The following COL21A1 variants were observed in gnomAD, a reference collection of about 807,000 sequenced individuals.
COL21A1 encodes the protein collagen type XXI alpha 1 chain.
A neutral mutation model predicts 137.9 loss-of-function variants in COL21A1; 149 were observed. The ratio of observed to expected loss-of-function variants is 1.08; its 90% confidence interval spans 0.95 to 1.24. The LOEUF (loss-of-function observed/expected upper bound fraction) is 1.24, where lower values mean the gene tolerates loss of function less well. COL21A1 is among the 50% of genes most tolerant of loss of function. The probability of loss-of-function intolerance (pLI) is 0.00; values close to 1 mark genes in which losing one functional copy is unlikely to be tolerated. For missense variants in COL21A1, 1,167 were observed against 1,158.4 expected (o/e 1.01, Z -0.11); for synonymous variants, 456 against 391.5 (o/e 1.16, Z -1.95).
At chr6:56,362,752 T>C (rs1463069053) in intron 1 of COL21A1, among the ~76,000 whole-genome samples, 1 of 152,070 alleles carries the variant, frequency 6.6e-6, no homozygotes. Flanking sequence ...TCCCACCACC[T>C]CTACCACCTA....
chr6:56,115,836 A>G (rs767715692), intron 16 of COL21A1, among the ~76,000 whole-genome samples: 13 of 152,184 alleles, frequency 8.5e-5, no homozygotes, highest in Non-Finnish European at 1.5e-4. Flanking sequence ...TGAAATAATT[A>G]CAAAGAAACA....
intron 1 of COL21A1, among the ~76,000 whole-genome samples, chr6:56,356,737 A>T (rs1330332363): frequency 1.3e-5 from 2 of 152,200 alleles, no homozygotes; most frequent in Non-Finnish European, 2.9e-5. Flanking sequence ...AAGCTTTTGG[A>T]TCTTTGCTGA....
intron 1 of COL21A1, among the ~76,000 whole-genome samples, chr6:56,335,797 C>G (rs1050596861): frequency 2.6e-5 from 4 of 152,188 alleles, no homozygotes; most frequent in Admixed American, 2.6e-4. Flanking sequence ...TATGGAGAAG[C>G]CAGGCTGAGC....
At chr6:56,273,795 G>C (rs915175956) in intron 1 of COL21A1, among the ~76,000 whole-genome samples, 1 of 152,102 alleles carries the variant, frequency 6.6e-6, no homozygotes, top group Non-Finnish European at 1.5e-5. Flanking sequence ...ATTCAAAGAA[G>C]AACTGGTACC....
intron 1 of COL21A1, among the ~76,000 whole-genome samples, chr6:56,245,501 G>C (rs996958212): frequency 6.6e-6 from 1 of 152,136 alleles, no homozygotes; most frequent in Non-Finnish European, 1.5e-5. Flanking sequence ...TTCTTTTAAG[G>C]TGGTTGAGGA....
intron 1 of COL21A1, among the ~76,000 whole-genome samples, chr6:56,223,779 G>A (rs990716378): frequency 3.9e-5 from 6 of 152,088 alleles, no homozygotes; most frequent in African/African-American, 1.2e-4. Flanking sequence ...AATGTGCCAT[G>A]ATTCATCTTG....
At chr6:56,256,118 C>G (rs1393317715) in intron 1 of COL21A1, among the ~76,000 whole-genome samples, 1 of 152,174 alleles carries the variant, frequency 6.6e-6, no homozygotes, top group Non-Finnish European at 1.5e-5. Context: ...TAAATAGTTG[C>G]TGAACAAAGA....
At chr6:56,136,979 C>A (rs1207056999) in intron 12 of COL21A1, among the ~76,000 whole-genome samples, 2 of 152,062 alleles carry the variant, frequency 1.3e-5, no homozygotes, top group Non-Finnish European at 2.9e-5. Flanking sequence ...TCTCACAGTG[C>A]AGGCAGTAGA....
intron 5 of COL21A1, 21 bp from the exon 6 acceptor site, chr6:56,168,318 A>G (rs1318404665): frequency 1.3e-6 from 2 of 1,507,600 alleles, no homozygotes; most frequent in Admixed American, 4.2e-5. Flanking sequence ...AAAGTGTGGA[A>G]GATTCATAAA....
intron 17 of COL21A1, among the ~76,000 whole-genome samples, chr6:56,098,530 T>G (rs867381892): frequency 4.4e-5 from 1 of 22,654 alleles, no homozygotes; most frequent in Non-Finnish European, 6.8e-5. Flanking sequence ...AATATATAAA[T>G]ATATATATAA....
At chr6:56,098,448 T>TATATATAGATATATATAA (rs1769912148) in intron 17 of COL21A1, among the ~76,000 whole-genome samples, 1 of 4,406 alleles carries the variant, frequency 2.3e-4, no homozygotes, top group Non-Finnish European at 3.3e-4. Context: ...TAAATATATA[T>TATATATAGATATATATAA]ATATATATAA....
intron 1 of COL21A1, among the ~76,000 whole-genome samples, chr6:56,257,995 A>G (rs1763154101): frequency 6.6e-6 from 1 of 152,248 alleles, no homozygotes; most frequent in Middle Eastern, 3.4e-3. Context: ...TATGGATAAT[A>G]TGGGTAATTT....
chr6:56,125,266 C>A lies in COL21A1; in HGVS notation c.1650+301G>T, dbSNP rs12154066. The A allele has an allele frequency of 1.7e-4, 29 of 169,244 alleles. 1 individual carries two copies. In the South Asian group the frequency reaches 3.1e-3, roughly 18 times the overall value. 10.5% of individuals were successfully genotyped at this position (169,244 alleles called of 1,614,324 possible). A position where few individuals can be genotyped will look rare whatever the true frequency, so the allele number is the denominator to read the frequency against. On this transcript the variant is annotated intron_variant, in intron 14 of 29. Coordinates refer to ENST00000244728, the MANE Select transcript of COL21A1 (RefSeq NM_030820.4). ...GAACTCCTGACATCATCATCCACCCCCCTCGGCCTCCCAAAGTGCTGGGAT... is the reference window on the plus strand; with the variant it reads ...GAACTCCTGACATCATCATCCACCCACCTCGGCCTCCCAAAGTGCTGGGAT...
intron 1 of COL21A1, among the ~76,000 whole-genome samples, chr6:56,232,835 C>G (rs1781657526): frequency 6.6e-6 from 1 of 151,910 alleles, no homozygotes; most frequent in East Asian, 1.9e-4. Context: ...ATCAAAATGA[C>G]TCTTGTTCCT....
chr6:56,311,744 T>G (rs1764621202), intron 1 of COL21A1, among the ~76,000 whole-genome samples: 2 of 152,324 alleles, frequency 1.3e-5, no homozygotes, highest in South Asian at 4.1e-4. Flanking sequence ...GGCCCTGGGC[T>G]GAGCCTTGAC....
At chr6:56,179,166 CACTG>C (rs1561952938) in intron 3 of COL21A1, among the ~76,000 whole-genome samples, 1 of 151,652 alleles carries the variant, frequency 6.6e-6, no homozygotes. Context: ...AACTAAAACA[CACTG>C]GGGAAAAAAG....
chr6:56,151,906 T>C (rs1360792624), intron 10 of COL21A1, among the ~76,000 whole-genome samples: 1 of 151,938 alleles, frequency 6.6e-6, no homozygotes. Context: ...TCACATTCCC[T>C]ACAGAGGAAA....
At chr6:56,357,290 C>T (rs1562070322) in intron 1 of COL21A1, among the ~76,000 whole-genome samples, 1 of 152,130 alleles carries the variant, frequency 6.6e-6, no homozygotes, top group African/African-American at 2.4e-5. Context: ...TATGTCTCCC[C>T]ATGTCTGACA....
Position 56,181,398 on chromosome 6 carries a change from TG to T in COL21A1, c.88+1132del, listed in dbSNP as rs950690188. ...TATGCTTTTATTGTTTTTTGTTTTT[TG>T]TTTTTTTTTTGCAGGGAGACGAAAG... On this transcript the variant is annotated intron_variant, in intron 2 of 29. Coordinates refer to ENST00000244728, the MANE Select transcript of COL21A1 (RefSeq NM_030820.4). Among the ~76,000 whole-genome samples the T allele has an allele frequency of 1.6e-4, 23 of 147,590 alleles. No homozygotes were observed. The East Asian group carries it at 1.9e-3, about 12-fold the overall frequency.
Sources: gnomAD v4.1 joint callset for allele counts (sites outside exome capture counted in the v4.1 genomes callset) on GRCh38, gnomAD v4.1.1 for gene constraint, MANE v1.5 for transcripts, NCBI Gene and HGNC (gene_info 2026-07-23, HGNC 2026-07-21) for gene names.